OTOG: variants seen among roughly 807,000 people sequenced by gnomAD.
The protein encoded by OTOG is otogelin.
A neutral mutation model predicts 313.8 loss-of-function variants in OTOG; 296 were observed. The ratio of observed to expected loss-of-function variants is 0.94; its 90% CI spans 0.86 to 1.04. The LOEUF (loss-of-function observed/expected upper bound fraction) is 1.04. Ranked by LOEUF, OTOG falls within the 50% of genes least tolerant of loss-of-function variation. The pLI is 0.00. For missense variants in OTOG, 3,948 were observed against 3,840.1 expected (o/e 1.03, Z -0.74); for synonymous variants, 1,533 against 1,554.9 (o/e 0.99, Z 0.33).
intron 30 of OTOG, among the ~76,000 whole-genome samples, chr11:17,597,727 A>AT: frequency 6.6e-6 from 1 of 152,310 alleles, no homozygotes; most frequent in African/African-American, 2.4e-5. Flanking sequence ...TTCATTGATT[A>AT]TTTTTTATTT....
At chr11:17,635,819 T>C in intron 47 of OTOG, 108 bp downstream of exon 47, 1 of 883,602 alleles carries the variant, frequency 1.1e-6, no homozygotes, top group East Asian at 2.7e-5. Context: ...CGCCCCCAGG[T>C]GGTGAGCTCT....
At chr11:17,554,814 G>A (rs1443866243) in intron 6 of OTOG, among the ~76,000 whole-genome samples, 2 of 151,934 alleles carry the variant, frequency 1.3e-5, no homozygotes, top group Non-Finnish European at 2.9e-5. Flanking sequence ...TACACTCGTG[G>A]GTTACAAAAT....
At chr11:17,612,398 C>T (rs1047516983) in intron 37 of OTOG, 68 bp downstream of exon 37, 60 of 1,470,088 alleles carry the variant, frequency 4.1e-5, no homozygotes, top group Admixed American at 6.5e-5. Context: ...GACCGCCATC[C>T]CTGATCTGTG....
Position 17,553,421 on chromosome 11 carries a change from G to C in OTOG, c.442G>C (p.Val148Leu). 6.8e-7 allele frequency: 1 copy of C among 1,474,178 alleles called. No homozygotes were observed. The highest frequency in any genetic ancestry group is 9.0e-7 in the Non-Finnish European group (1 of 1,110,264). 91.3% of individuals were successfully genotyped at this position (1,474,178 alleles called of 1,614,324 possible). A position where few individuals can be genotyped will look rare whatever the true frequency, so the allele number is the denominator to read the frequency against. The change falls in exon 6 of 56, where the codon GTG (valine) becomes CTG (leucine). Residue 148 changes from valine (V) to leucine (L), a missense_variant. By Grantham distance (32) the Val-to-Leu change is conservative. Coordinates refer to ENST00000399397, the MANE Select transcript of OTOG (RefSeq NM_001292063.2). Reference sequence around the variant, plus strand: ...TTGCCGGGCGTGGGGGCAGCACCACGTGGAGACATTTGATGGGCTCTACTA... The same window carrying C: ...TTGCCGGGCGTGGGGGCAGCACCACCTGGAGACATTTGATGGGCTCTACTA... ...SICRAWGQHH[V>L]ETFDGLYYYL...
intron 22 of OTOG, chr11:17,578,129 G>T (rs1490937936): frequency 1.7e-6 from 1 of 600,352 alleles, no homozygotes; most frequent in Non-Finnish European, 2.4e-6. Context: ...ACCTGGAGTA[G>T]TCTGGTATGG....
intron 34 of OTOG, 85 bp from the exon 35 acceptor site, chr11:17,609,045 G>C (rs1853459582): frequency 6.5e-6 from 7 of 1,079,286 alleles, no homozygotes; most frequent in Non-Finnish European, 9.6e-6. Flanking sequence ...CATAAGAAAG[G>C]ATAAGGCCTG....
intron 38 of OTOG, 54 bp downstream of exon 38, chr11:17,612,819 A>G: frequency 6.6e-7 from 1 of 1,523,230 alleles, no homozygotes; most frequent in Non-Finnish European, 8.8e-7. Flanking sequence ...GACTAGGATA[A>G]GAGGGGAGAC....
At chr11:17,588,419 C>CCATGGTCGGCAG (rs560107710) in intron 24 of OTOG, among the ~76,000 whole-genome samples, 2 of 152,058 alleles carry the variant, frequency 1.3e-5, no homozygotes, top group East Asian at 1.9e-4. Flanking sequence ...TTCCGTGTCA[C>CCATGGTCGGCAG]CATGGTCGGC....
intron 3 of OTOG, among the ~76,000 whole-genome samples, chr11:17,549,979 G>A (rs1325649717): frequency 6.6e-5 from 10 of 152,264 alleles, no homozygotes; most frequent in Middle Eastern, 3.4e-3. Context: ...ATGCTGTCCC[G>A]CTTCTACAGA....
At chr11:17,553,006 G>A in intron 4 of OTOG, 113 bp from the exon 5 acceptor site, 1 of 913,298 alleles carries the variant, frequency 1.1e-6, no homozygotes, top group Non-Finnish European at 1.7e-6. Context: ...GGAATGTTGG[G>A]GCTGGGGCTG....
chr11:17,586,594 C>T lies in OTOG; in HGVS notation c.2867+13C>T, dbSNP rs1852799989. The T allele has an allele frequency of 1.5e-6, 2 of 1,347,640 alleles. No homozygotes were observed. Among genetic ancestry groups the T allele is most frequent in the South Asian group, 2.0e-5 (1 of 51,032 alleles). The allele number at this position is 1,347,640 out of a possible 1,614,324, so 83.5% of individuals were successfully genotyped here. A position where few individuals can be genotyped will look rare whatever the true frequency, so the allele number is the denominator to read the frequency against. ...CTTGCCATACCTGGTAAGTGAGGGT[C>T]CCAAGCAGGCTTTGCTTTTTTGCTG... On this transcript the variant is annotated intron_variant, in intron 24 of 55. Coordinates refer to ENST00000399397, the MANE Select transcript of OTOG (RefSeq NM_001292063.2).
chr11:17,596,839 G>C lies in OTOG; in HGVS notation c.3526-12G>C, dbSNP rs749205983. 1.5e-5 allele frequency: 23 copies of C among 1,550,198 alleles called. No homozygotes were observed. Among genetic ancestry groups the C allele is most frequent in the Non-Finnish European group, 1.7e-5 (20 of 1,146,548 alleles). On this transcript the variant is annotated splice_polypyrimidine_tract_variant and intron_variant, in intron 29 of 55. Transcript: ENST00000399397. ...ATCTGTCCTCTGACCTCTAACTTCT[G>C]ACCTTCTCCAGGTTGATGTCACTTG...
In OTOG at chr11:17,560,808, G is replaced by T; in HGVS notation, c.1442G>T (p.Cys481Phe). The T allele has an allele frequency of 6.5e-7, 1 of 1,550,040 alleles. No individual in the cohort carries two copies. The highest frequency in any genetic ancestry group is 8.7e-7 in the Non-Finnish European group (1 of 1,146,254). ...YPPGSVVKED[C>F]NTCTCTSGKW... ...CCTGGCTCTGTGGTGAAGGAAGACT[G>T]CAATACTTGGTCTGTGTCTGCTGCC... Residue 481 changes from cysteine to phenylalanine, a missense_variant, in exon 13 of 56, where the codon TGC becomes TTC. Cys to Phe is a radical substitution (Grantham distance 205, BLOSUM62 -2). Coordinates refer to ENST00000399397, the MANE Select transcript of OTOG (RefSeq NM_001292063.2).
chr11:17,641,228 T>C, intron 51 of OTOG, 137 bp downstream of exon 51: 2 of 987,342 alleles, frequency 2.0e-6, no homozygotes, highest in Non-Finnish European at 1.5e-6. Flanking sequence ...CAGAAACCTC[T>C]GTAGAAAGTG....
chr11:17,559,104 G>C lies in OTOG; in HGVS notation c.1156G>C (p.Ala386Pro), dbSNP rs994364425. Residue 386 changes from alanine to proline, a missense_variant, in exon 11 of 56, where the codon GCG (alanine) becomes CCG (proline). By Grantham distance (27) the Ala-to-Pro change is conservative. Coordinates refer to ENST00000399397, the MANE Select transcript of OTOG (RefSeq NM_001292063.2). ...CCGGGCACTGGCGGAGTATGCCCGG[G>C]CGTGTGCCCAGGCAGGGCGGCCCTT... Reference protein sequence around the residue: ...WCRALAEYARACAQAGRPLQG... With the variant: ...WCRALAEYARPCAQAGRPLQG... 1 of 1,545,770 alleles carries C rather than the reference G, an allele frequency of 6.5e-7. No individual in the cohort carries two copies. The highest frequency in any genetic ancestry group is 8.7e-7 in the Non-Finnish European group (1 of 1,146,976).
At chr11:17,594,249 G>C in intron 28 of OTOG, 83 bp downstream of exon 28, 1 of 1,507,666 alleles carries the variant, frequency 6.6e-7, no homozygotes, top group Middle Eastern at 1.8e-4. Context: ...GGTCAGGGAA[G>C]AGGGATGCTG....
intron 30 of OTOG, among the ~76,000 whole-genome samples, chr11:17,598,728 G>C (rs1288608460): frequency 6.6e-6 from 1 of 152,100 alleles, no homozygotes; most frequent in African/African-American, 2.4e-5. Flanking sequence ...GACTCTTCTC[G>C]GCTACCACCC....
chr11:17,569,117 C>G, intron 15 of OTOG, 39 bp from the exon 16 acceptor site: 4 of 1,549,460 alleles, frequency 2.6e-6, no homozygotes, highest in Non-Finnish European at 3.5e-6. Context: ...GCAGGAGGGT[C>G]AGACCAACAC....
At chr11:17,607,972 G>T (rs1853428778) in intron 33 of OTOG, among the ~76,000 whole-genome samples, 1 of 152,092 alleles carries the variant, frequency 6.6e-6, no homozygotes, top group Non-Finnish European at 1.5e-5. Flanking sequence ...GAGATCAGGG[G>T]TCCAGGCCTC....
Sources: gnomAD v4.1 joint callset for allele counts (sites outside exome capture counted in the v4.1 genomes callset) on GRCh38, gnomAD v4.1.1 for gene constraint, MANE v1.5 for transcripts, NCBI Gene and HGNC (gene_info 2026-07-23, HGNC 2026-07-21) for gene names.